GAS7: variants seen among roughly 807,000 people sequenced by gnomAD.
GAS7 encodes growth arrest-specific protein 7.
GAS7 carries 28 observed loss-of-function variants against 71.1 expected under a neutral mutation model. The observed-to-expected ratio is 0.39, with a 90% CI of 0.29 to 0.54. GAS7 has a LOEUF of 0.54. GAS7 is among the 20% of genes least tolerant of loss of function. The pLI, the probability that GAS7 is intolerant of heterozygous loss-of-function variation, is 0.62. For synonymous variants in GAS7, 258 were observed against 245.8 expected, an observed-to-expected ratio of 1.05 and a Z score of -0.46; for missense variants, 436 against 627.8, an observed-to-expected ratio of 0.69 and a Z score of 3.27.
intron 1 of GAS7, among the ~76,000 whole-genome samples, chr17:10,086,056 C>G (rs2073516047): frequency 6.6e-6 from 1 of 152,192 alleles, no homozygotes; most frequent in Non-Finnish European, 1.5e-5. Context: ...GGGGGGTCAA[C>G]TGTGTACACT....
intron 6 of GAS7, 70 bp from the exon 7 acceptor site, chr17:9,943,306 G>C: frequency 2.2e-6 from 2 of 908,552 alleles, no homozygotes; most frequent in Non-Finnish European, 3.7e-6. Context: ...ATGGCGTAGA[G>C]GGAGGACGGC....
At chr17:10,134,100 C>G (rs561283557) in intron 1 of GAS7, among the ~76,000 whole-genome samples, 16 of 151,978 alleles carry the variant, frequency 1.1e-4, no homozygotes, top group Non-Finnish European at 2.4e-4. Flanking sequence ...GCGCGATCTC[C>G]GCTCACTGCA....
At chr17:10,107,243 C>T (rs1471630462) in intron 1 of GAS7, among the ~76,000 whole-genome samples, 2 of 152,236 alleles carry the variant, frequency 1.3e-5, no homozygotes, top group East Asian at 1.9e-4. Flanking sequence ...TAACACACTT[C>T]CTCTTACATA....
At position 10,021,625 on chromosome 17, in the gene GAS7, A is replaced by G. The variant is rs1377362144; in HGVS notation, c.184-1728T>C. Reference sequence around the variant, plus strand: ...ATGGAAGACTGTCTTCTAAGACAGCAGGAGACAGTGAGGTGGACAGCAGCC... The same window carrying G: ...ATGGAAGACTGTCTTCTAAGACAGCGGGAGACAGTGAGGTGGACAGCAGCC... On this transcript the variant is annotated intron_variant, in intron 1 of 13. Transcript: ENST00000432992. Among the ~76,000 whole-genome samples, 3 of 152,232 alleles carry G rather than the reference A, an allele frequency of 2.0e-5. No individual in the cohort carries two copies. The East Asian group carries it at 5.8e-4, about 29-fold the overall frequency.
chr17:10,183,782 C>CA (rs372266894), intron 1 of GAS7, among the ~76,000 whole-genome samples: 258 of 152,054 alleles, frequency 1.7e-3, no homozygotes, highest in African/African-American at 5.9e-3. Flanking sequence ...GCGGAGCTTG[C>CA]AGTGAGCTGA....
chr17:10,154,409 T>C (rs1191510708), intron 1 of GAS7, among the ~76,000 whole-genome samples: 1 of 151,316 alleles, frequency 6.6e-6, no homozygotes, highest in Non-Finnish European at 1.5e-5. Context: ...GAGGCCAAGG[T>C]GGGAGGATTG....
rs555420425 is a variant in GAS7, at chr17:9,926,368, A to G, written c.1014+273T>C. On this transcript the variant is annotated intron_variant, in intron 10 of 13. Coordinates refer to ENST00000432992, the MANE Select transcript of GAS7 (RefSeq NM_201433.2). The surrounding 1 kb of genome is among the most constrained non-coding windows in gnomAD (Gnocchi z 5.0). ...AGGCTCGGGGTTTAACTGGTCGCCAACAGCCACTCGACTGCCCACTGCAGC... is the reference window on the plus strand; with the variant it reads ...AGGCTCGGGGTTTAACTGGTCGCCAGCAGCCACTCGACTGCCCACTGCAGC... Among the ~76,000 whole-genome samples, 23 of 152,238 alleles carry G rather than the reference A, an allele frequency of 1.5e-4. 1 individual carries two copies. In the South Asian group the frequency reaches 4.6e-3, roughly 30 times the overall value.
chr17:10,005,203 G>A (rs113169198), intron 2 of GAS7, among the ~76,000 whole-genome samples: 28,643 of 142,176 alleles, frequency 0.2, 4,635 homozygotes, highest in African/African-American at 0.47. Context: ...GCATGCATGT[G>A]TGTGCATGTG....
chr17:9,917,284 G>T lies in GAS7; in HGVS notation c.1375C>A (p.Leu459Met), dbSNP rs2152064034. The change falls in exon 14 of 14, where the codon CTG becomes ATG. Residue 459 changes from leucine to methionine, a missense_variant. Coordinates refer to ENST00000432992, the MANE Select transcript of GAS7 (RefSeq NM_201433.2). ...RKVDPAKDRE[L>M]WVREHKTGNI... ...CCCGTCTTGTGCTCTCTGACCCACA[G>T]CTCCCTGTCTTTGGCCGGGTCCACT... is the stretch of plus-strand genomic sequence containing the variant. The T allele has an allele frequency of 1.9e-6, 3 of 1,613,946 alleles. No individual in the cohort carries two copies. The highest frequency in any genetic ancestry group is 2.5e-6 in the Non-Finnish European group (3 of 1,179,818).
chr17:10,111,022 G>C (rs77875559), intron 1 of GAS7, among the ~76,000 whole-genome samples: 1,845 of 152,262 alleles, frequency 0.012, 19 homozygotes, highest in South Asian at 0.019. Flanking sequence ...AATAACACAA[G>C]ATGCTCTATT....
intron 2 of GAS7, among the ~76,000 whole-genome samples, chr17:10,006,521 G>C (rs2152179913): frequency 6.6e-6 from 1 of 151,634 alleles, no homozygotes; most frequent in East Asian, 1.9e-4. Context: ...AGTAGAGATG[G>C]GGTTTCACCA....
At chr17:10,099,939 G>A (rs2073682606) in intron 1 of GAS7, among the ~76,000 whole-genome samples, 1 of 152,214 alleles carries the variant, frequency 6.6e-6, no homozygotes, top group Admixed American at 6.5e-5. Context: ...ACACTCTTCT[G>A]TCCTAATGGG....
At chr17:9,978,788 G>T (rs1319176474) in intron 3 of GAS7, among the ~76,000 whole-genome samples, 1 of 152,158 alleles carries the variant, frequency 6.6e-6, no homozygotes, top group African/African-American at 2.4e-5. Flanking sequence ...TCTTCATGCT[G>T]ACGTAGGGAG....
intron 2 of GAS7, among the ~76,000 whole-genome samples, chr17:10,002,693 G>A (rs2071315068): frequency 6.6e-6 from 1 of 152,134 alleles, no homozygotes; most frequent in South Asian, 2.1e-4. Context: ...AGTTTGCTGA[G>A]AATGATGGTT....
chr17:10,020,107 C>T, intron 1 of GAS7: 1 of 545,822 alleles, frequency 1.8e-6, no homozygotes, highest in Non-Finnish European at 3.3e-6. Flanking sequence ...ATTCAGAGCC[C>T]CTGCACAGAG....
intron 1 of GAS7, among the ~76,000 whole-genome samples, chr17:10,087,629 T>C (rs543265121): frequency 5.9e-5 from 9 of 152,048 alleles, no homozygotes; most frequent in Non-Finnish European, 1.2e-4. Flanking sequence ...AGCGTCAGGG[T>C]TCCCCGAACA....
intron 1 of GAS7, among the ~76,000 whole-genome samples, chr17:10,064,037 AAC>A (rs1259701622): frequency 6.6e-6 from 1 of 152,132 alleles, no homozygotes; most frequent in African/African-American, 2.4e-5. Flanking sequence ...CACCAGCTCG[AAC>A]ATTAGTCACA....
At position 9,916,947 on chromosome 17, in the gene GAS7, G is replaced by T. The variant is rs1248674160; in HGVS notation, c.*281C>A. 1.9e-6 allele frequency: 1 copy of T among 526,354 alleles called. No homozygotes were observed. The highest frequency in any genetic ancestry group is 3.4e-6 in the Non-Finnish European group (1 of 295,534). 32.6% of individuals were successfully genotyped at this position (526,354 alleles called of 1,614,324 possible). On this transcript the variant is annotated 3_prime_UTR_variant, in exon 14 of 14. Transcript: ENST00000432992. ...TACAAAACTCGGCAAGGACCACAAA[G>T]TTCCAGCCTCTGTTTGTTTCAGAGC...
At chr17:10,194,405 C>T (rs547528175) in intron 1 of GAS7, among the ~76,000 whole-genome samples, 1 of 152,370 alleles carries the variant, frequency 6.6e-6, no homozygotes, top group Admixed American at 6.5e-5. Flanking sequence ...CCTCCAACCA[C>T]TGACCTGTCC....
Sources: gnomAD v4.1 joint callset for allele counts (sites outside exome capture counted in the v4.1 genomes callset) on GRCh38, gnomAD v4.1.1 for gene constraint, Gnocchi (gnomAD v3.1) non-coding constraint, MANE v1.5 for transcripts, NCBI Gene and HGNC (gene_info 2026-07-23, HGNC 2026-07-21) for gene names.